PEAK1: variants seen among roughly 807,000 people sequenced by gnomAD.
The protein encoded by PEAK1 is pseudopodium enriched atypical kinase 1, also known as inactive tyrosine-protein kinase PEAK1.
PEAK1 carries 54 observed loss-of-function variants against 124.7 expected under a neutral mutation model. That is an observed-to-expected ratio of 0.43 (90% CI 0.35 to 0.54). The LOEUF (loss-of-function observed/expected upper bound fraction) is 0.54, where lower values mean the gene tolerates loss of function less well. PEAK1 is among the 20% of genes least tolerant of loss of function. PEAK1 has a pLI of 0.01. For missense variants in PEAK1, 2,046 were observed against 2,134.5 expected (o/e 0.96, Z 0.82); for synonymous variants, 719 against 760.0 (o/e 0.95, Z 0.89).
intron 6 of PEAK1, among the ~76,000 whole-genome samples, chr15:77,206,773 A>G (rs1393149302): frequency 6.6e-6 from 1 of 151,906 alleles, no homozygotes; most frequent in Non-Finnish European, 1.5e-5. Context: ...CCCATTTTGT[A>G]GGTTGCCTGT....
At position 77,418,413 on chromosome 15, in the gene PEAK1, C is replaced by T. The variant is rs868138887; in HGVS notation, c.-666+1593G>A. ...AAGACATGATAAAATATTTCCCTTT[C>T]CCCCCCGACAGCAATGAAAAGGGGA... On this transcript the variant is annotated intron_variant, in intron 1 of 9. Transcript: ENST00000682557. 4.1e-6 allele frequency: 4 copies of T among 984,732 alleles called. No homozygotes were observed. In the African/African-American group the frequency reaches 5.2e-5, roughly 13 times the overall value. The allele number at this position is 984,732 out of a possible 1,614,324, so 61.0% of individuals were successfully genotyped here.
intron 6 of PEAK1, among the ~76,000 whole-genome samples, chr15:77,246,463 A>T (rs2060593579): frequency 6.6e-6 from 1 of 152,022 alleles, no homozygotes; most frequent in South Asian, 2.1e-4. Context: ...GGTTGAGGCT[A>T]CAGTGAGCGG....
intron 2 of PEAK1, chr15:77,352,329 A>G: frequency 1.0e-6 from 1 of 985,368 alleles, no homozygotes; most frequent in South Asian, 4.7e-5. Flanking sequence ...GCCTTACTCG[A>G]TCTATCTCCA....
chr15:77,311,493 T>C (rs2064440454), intron 2 of PEAK1, among the ~76,000 whole-genome samples: 1 of 151,878 alleles, frequency 6.6e-6, no homozygotes, highest in Non-Finnish European at 1.5e-5. Context: ...CTGGCCAACA[T>C]GGCAAAACCC....
chr15:77,223,639 C>T (rs1481921582), intron 6 of PEAK1, among the ~76,000 whole-genome samples: 1 of 151,984 alleles, frequency 6.6e-6, no homozygotes. Flanking sequence ...CAAGCCAATA[C>T]TCAAACTATT....
At chr15:77,218,713 A>C (rs560742406) in intron 6 of PEAK1, among the ~76,000 whole-genome samples, 14 of 152,144 alleles carry the variant, frequency 9.2e-5, no homozygotes, top group African/African-American at 3.4e-4. Flanking sequence ...CTACTGAATA[A>C]CTGGGACTAA....
At chr15:77,313,671 T>G (rs2064642957) in intron 2 of PEAK1, among the ~76,000 whole-genome samples, 1 of 114,166 alleles carries the variant, frequency 8.8e-6, no homozygotes, top group African/African-American at 4.2e-5. Context: ...TGTGTGTGTG[T>G]GTGTGTGTGT....
At chr15:77,295,601 C>T (rs1328077903) in intron 2 of PEAK1, among the ~76,000 whole-genome samples, 2 of 152,170 alleles carry the variant, frequency 1.3e-5, no homozygotes, top group African/African-American at 2.4e-5. Flanking sequence ...ACTGATTCAT[C>T]TTAATGCAAA....
Position 77,133,307 on chromosome 15 carries a change from C to T in PEAK1, c.3775G>A (p.Gly1259Arg). Residue 1259 changes from glycine (G) to arginine (R), a missense_variant, in exon 9 of 10, where the codon GGG becomes AGG. Physicochemically the swap from Gly to Arg is moderately radical, Grantham distance 125. Coordinates refer to ENST00000682557, the MANE Select transcript of PEAK1 (RefSeq NM_001385026.1). The surrounding 1 kb of genome is among the most constrained non-coding windows in gnomAD (Gnocchi z 4.2). ...CCTCGGCCCTGTCTGCAAGAGGGCC[C>T]ACGCCGGCTGGAGAGGGATTCCATG... ...NSMESLSSRR[G>R]PSCRQGRGIQ... The T allele has an allele frequency of 6.2e-7, 1 of 1,614,244 alleles. No homozygotes were observed. The highest frequency in any genetic ancestry group is 8.5e-7 in the Non-Finnish European group (1 of 1,180,034).
chr15:77,134,009 T>A (rs2053109155), intron 8 of PEAK1, among the ~76,000 whole-genome samples: 1 of 152,078 alleles, frequency 6.6e-6, no homozygotes, highest in African/African-American at 2.4e-5. Flanking sequence ...GGGTGATGAG[T>A]TTTGTTTTCA....
rs372231016 is a variant in PEAK1, at chr15:77,178,959, T to C, written c.2968A>G (p.Met990Val). Residue 990 changes from methionine to valine, a missense_variant, in exon 7 of 10, where the codon ATG (methionine) becomes GTG (valine). Coordinates refer to ENST00000682557, the MANE Select transcript of PEAK1 (RefSeq NM_001385026.1). ...CCTTGAGCAGGGTCGCACCTGTACA[T>C]GAAGACAATGGCTGGTTTCTCACTG... ...ESSEKPAIVF[M>V]YRCDPAQGQL... The C allele has an allele frequency of 6.9e-5, 112 of 1,614,112 alleles. No individual in the cohort carries two copies. The East Asian group carries it at 1.2e-3, about 17-fold the overall frequency.
rs550227074 is a variant in PEAK1 at position 77,181,159 on chromosome 15, A to G, written c.768T>C (p.Asp256=). ...EEEHESWDES[D]EELLAMEIRM... ...GAATCTCCATGGCCAACAGCTCTTC[A>G]TCACTCTCATCCCAACTCTCGTGCT... The change falls in exon 7 of 10, where the codon GAT becomes GAC. Residue 256 remains aspartate (D), a synonymous_variant. Coordinates refer to ENST00000682557, the MANE Select transcript of PEAK1 (RefSeq NM_001385026.1). 4 of 1,614,178 alleles carry G rather than the reference A, an allele frequency of 2.5e-6. No homozygotes were observed. The highest frequency in any genetic ancestry group is 2.2e-5 in the South Asian group (2 of 91,092).
At chr15:77,121,917 T>TG (rs1296847037) in intron 9 of PEAK1, among the ~76,000 whole-genome samples, 1 of 152,166 alleles carries the variant, frequency 6.6e-6, no homozygotes, top group East Asian at 1.9e-4. Flanking sequence ...CACACAAAAG[T>TG]ACAACTGCAA....
intron 6 of PEAK1, among the ~76,000 whole-genome samples, chr15:77,246,250 G>T (rs566254086): frequency 1.6e-4 from 25 of 152,178 alleles, no homozygotes; most frequent in Admixed American, 1.5e-3. Flanking sequence ...CTCATGATCC[G>T]CCTGCCTCGG....
chr15:77,418,892 G>A, intron 1 of PEAK1: 1 of 985,312 alleles, frequency 1.0e-6, no homozygotes, highest in Non-Finnish European at 1.2e-6. Context: ...GAATCCTCAA[G>A]GCAATCCCAA....
chr15:77,225,286 G>A (rs186196943), intron 6 of PEAK1, among the ~76,000 whole-genome samples: 1 of 152,002 alleles, frequency 6.6e-6, no homozygotes, highest in Non-Finnish European at 1.5e-5. Flanking sequence ...TAACTGTTAT[G>A]TTGCAATTGC....
chr15:77,417,656 G>A, intron 1 of PEAK1: 1 of 985,416 alleles, frequency 1.0e-6, no homozygotes, highest in Non-Finnish European at 1.2e-6. Context: ...TCCAACAAAA[G>A]GGTATGATTT....
chr15:77,293,593 T>C (rs2063336235), intron 2 of PEAK1, among the ~76,000 whole-genome samples: 1 of 152,254 alleles, frequency 6.6e-6, no homozygotes, highest in Admixed American at 6.5e-5. Context: ...TTAGTCAGTC[T>C]TCCATGTGCT....
At chr15:77,182,234 T>C (rs1335652647) in intron 6 of PEAK1, among the ~76,000 whole-genome samples, 194 bp from the exon 7 acceptor site, 11 of 152,202 alleles carry the variant, frequency 7.2e-5, no homozygotes, top group Non-Finnish European at 1.6e-4. Flanking sequence ...TTTTTAACTA[T>C]AATTTTATGC....
Sources: allele counts gnomAD v4.1 joint callset (sites outside exome capture counted in the v4.1 genomes callset), GRCh38; gene constraint gnomAD v4.1.1; non-coding constraint Gnocchi (gnomAD v3.1); transcripts MANE v1.5; gene names NCBI Gene and HGNC (gene_info 2026-07-23, HGNC 2026-07-21).